MTUS2: variants seen among roughly 807,000 people sequenced by gnomAD.
The protein encoded by MTUS2 is microtubule associated scaffold protein 2.
Under a neutral mutation model 114.1 loss-of-function variants are expected in MTUS2, and 40 were observed. That is an observed-to-expected ratio of 0.35 (90% CI 0.27 to 0.46). The LOEUF (loss-of-function observed/expected upper bound fraction) is 0.46, where lower values mean the gene tolerates loss of function less well. Among genes scored for constraint, MTUS2 ranks in the 20% least tolerant of loss-of-function variants. The pLI is 1.00. For missense variants in MTUS2, 1,679 were observed against 1,705.4 expected, an observed-to-expected ratio of 0.98 and a Z score of 0.27; for synonymous variants, 688 against 672.0, an observed-to-expected ratio of 1.02 and a Z score of -0.37.
chr13:29,177,018 G>A (rs954165649), intron 5 of MTUS2, among the ~76,000 whole-genome samples: 3 of 150,986 alleles, frequency 2.0e-5, no homozygotes, highest in Non-Finnish European at 4.4e-5. Context: ...ACCTGGATGG[G>A]GAGAGATGGG....
chr13:29,304,742 T>G (rs996316772), intron 6 of MTUS2, among the ~76,000 whole-genome samples: 3 of 152,016 alleles, frequency 2.0e-5, no homozygotes, highest in African/African-American at 7.2e-5. Flanking sequence ...GACAGAAAAT[T>G]AACAAAGATG....
chr13:29,503,555 T>C lies in MTUS2; in HGVS notation c.*349T>C, dbSNP rs1883053323. On this transcript the variant is annotated 3_prime_UTR_variant, in exon 16 of 16. Coordinates refer to ENST00000612955, the MANE Select transcript of MTUS2 (RefSeq NM_001033602.4). ...ATAATCATTGTGTACTGCACCGATATGTGTGTATATTTAGATATACGTATA... is the reference window on the plus strand; with the variant it reads ...ATAATCATTGTGTACTGCACCGATACGTGTGTATATTTAGATATACGTATA... The C allele has an allele frequency of 2.4e-6, 1 of 420,586 alleles. No individual in the cohort carries two copies. Among genetic ancestry groups the C allele is most frequent in the African/African-American group, 1.9e-5 (1 of 51,518 alleles). 26.1% of individuals were successfully genotyped at this position (420,586 alleles called of 1,614,324 possible).
chr13:29,194,447 C>T (rs1322776508), intron 5 of MTUS2, among the ~76,000 whole-genome samples: 4 of 151,902 alleles, frequency 2.6e-5, no homozygotes, highest in Non-Finnish European at 4.4e-5. Flanking sequence ...CATGAACAGA[C>T]ACTTCTCAAA....
intron 3 of MTUS2, among the ~76,000 whole-genome samples, chr13:29,028,880 T>C (rs17072559): frequency 0.039 from 5,964 of 152,230 alleles, 376 homozygotes; most frequent in African/African-American, 0.13. Context: ...GTGTTGGAAC[T>C]AAACAAAAGT....
chr13:28,855,782 A>T lies in MTUS2; in HGVS notation c.-243+15932A>T, dbSNP rs542607378. Among the ~76,000 whole-genome samples, 12 of 152,280 alleles carry T rather than the reference A, an allele frequency of 7.9e-5. No homozygotes were observed. In the East Asian group the frequency reaches 2.3e-3, roughly 29 times the overall value. ...TAGAATGATTTATATTCCTTTGGGTATATACTAGTAATGGGATTGCTGGGT... is the reference window on the plus strand; with the variant it reads ...TAGAATGATTTATATTCCTTTGGGTTTATACTAGTAATGGGATTGCTGGGT... On this transcript the variant is annotated intron_variant, in intron 2 of 15. Coordinates refer to ENST00000612955, the MANE Select transcript of MTUS2 (RefSeq NM_001033602.4).
At chr13:28,964,158 A>G (rs1269211466) in intron 2 of MTUS2, among the ~76,000 whole-genome samples, 1 of 152,216 alleles carries the variant, frequency 6.6e-6, no homozygotes, top group African/African-American at 2.4e-5. Context: ...TAACATTGCC[A>G]AAGTAGTTTT....
intron 1 of MTUS2, among the ~76,000 whole-genome samples, chr13:28,826,879 C>T (rs898773874): frequency 6.6e-6 from 1 of 152,218 alleles, no homozygotes; most frequent in African/African-American, 2.4e-5. Context: ...CAGATTGCTA[C>T]TGCAGAGTAC....
intron 5 of MTUS2, among the ~76,000 whole-genome samples, chr13:29,216,616 G>A (rs1164765115): frequency 6.6e-6 from 1 of 152,150 alleles, no homozygotes; most frequent in Non-Finnish European, 1.5e-5. Flanking sequence ...ATGGGAGGGA[G>A]GTCCCCAGCC....
At chr13:28,904,052 T>C (rs1294178964) in intron 2 of MTUS2, among the ~76,000 whole-genome samples, 1 of 152,218 alleles carries the variant, frequency 6.6e-6, no homozygotes, top group East Asian at 1.9e-4. Flanking sequence ...GCTGCATAAA[T>C]GTCTTCTTTT....
intron 6 of MTUS2, among the ~76,000 whole-genome samples, chr13:29,289,494 G>A (rs1339328258): frequency 2.2e-5 from 3 of 137,148 alleles, no homozygotes; most frequent in African/African-American, 5.6e-5. Flanking sequence ...ACGGAGTCTC[G>A]CTCTGTCGCC....
rs142931207 is a variant in MTUS2 at position 29,474,068 on chromosome 13, G to T, written c.3185-6082G>T. Among the ~76,000 whole-genome samples, 8 of 152,256 alleles carry T rather than the reference G, an allele frequency of 5.3e-5. No homozygotes were observed. In the East Asian group the frequency reaches 1.5e-3, roughly 29 times the overall value. ...TCTTATTATCCAATATTTTCTACAG[G>T]CCTAGGGCTTACAACAGAGAGCCAT... On this transcript the variant is annotated intron_variant, in intron 9 of 15. Coordinates refer to ENST00000612955, the MANE Select transcript of MTUS2 (RefSeq NM_001033602.4).
At chr13:28,828,017 C>T (rs553515495) in intron 1 of MTUS2, among the ~76,000 whole-genome samples, 2 of 152,252 alleles carry the variant, frequency 1.3e-5, no homozygotes, top group Admixed American at 6.5e-5. Context: ...GCGGGAATTT[C>T]CTCGTCTTAA....
At chr13:29,060,276 C>T (rs1820446127) in intron 4 of MTUS2, among the ~76,000 whole-genome samples, 1 of 152,190 alleles carries the variant, frequency 6.6e-6, no homozygotes, top group Admixed American at 6.5e-5. Context: ...AGGTGGCTCT[C>T]TGCCTCAATT....
chr13:29,204,162 A>G (rs552828582), intron 5 of MTUS2, among the ~76,000 whole-genome samples: 59 of 151,870 alleles, frequency 3.9e-4, no homozygotes, highest in African/African-American at 1.2e-3. Context: ...GTTTTGCCAT[A>G]TTGGCCAGGC....
intron 8 of MTUS2, among the ~76,000 whole-genome samples, chr13:29,387,409 A>G (rs904717169): frequency 6.6e-6 from 1 of 152,184 alleles, no homozygotes; most frequent in Non-Finnish European, 1.5e-5. Flanking sequence ...AGAGACTATC[A>G]GGCTGGACTA....
At chr13:29,038,436 C>T (rs1305849264) in intron 4 of MTUS2, among the ~76,000 whole-genome samples, 1 of 152,224 alleles carries the variant, frequency 6.6e-6, no homozygotes, top group Non-Finnish European at 1.5e-5. Context: ...GGGTCACCCT[C>T]CAGATACCAG....
chr13:29,412,665 G>C (rs1237433095), intron 8 of MTUS2, among the ~76,000 whole-genome samples: 2 of 152,096 alleles, frequency 1.3e-5, no homozygotes, highest in Non-Finnish European at 1.5e-5. Context: ...TGAGACAGGG[G>C]GATTGCTTGA....
At chr13:28,935,555 T>C (rs976584130) in intron 2 of MTUS2, among the ~76,000 whole-genome samples, 2 of 152,134 alleles carry the variant, frequency 1.3e-5, no homozygotes, top group Non-Finnish European at 2.9e-5. Flanking sequence ...TAAGTGACTG[T>C]ACTGACAGCA....
At chr13:29,457,465 G>A (rs1481971716) in intron 9 of MTUS2, among the ~76,000 whole-genome samples, 1 of 152,006 alleles carries the variant, frequency 6.6e-6, no homozygotes, top group African/African-American at 2.4e-5. Context: ...GTGTATCTGT[G>A]GTTTGCTCCT....
Sources: gnomAD v4.1 joint callset for allele counts (sites outside exome capture counted in the v4.1 genomes callset) on GRCh38, gnomAD v4.1.1 for gene constraint, MANE v1.5 for transcripts, NCBI Gene and HGNC (gene_info 2026-07-23, HGNC 2026-07-21) for gene names.